Variants in DAB1 observed in about 807,000 individuals in gnomAD.
DAB1 encodes the protein disabled homolog 1.
A neutral mutation model predicts 64.6 loss-of-function variants in DAB1; 15 were observed. The observed-to-expected ratio is 0.23, with a 90% CI of 0.16 to 0.36. The LOEUF (loss-of-function observed/expected upper bound fraction) is 0.36, where lower values mean the gene tolerates loss of function less well. Ranked by LOEUF, DAB1 falls within the 10% of genes least tolerant of loss-of-function variation. The pLI is 1.00. For missense variants in DAB1, 596 were observed against 706.7 expected, an observed-to-expected ratio of 0.84 and a Z score of 1.78; for synonymous variants, 235 against 251.9, an observed-to-expected ratio of 0.93 and a Z score of 0.64.
intron 2 of DAB1, among the ~76,000 whole-genome samples, chr1:57,245,813 G>A (rs911864325): frequency 2.0e-5 from 3 of 152,062 alleles, no homozygotes; most frequent in Admixed American, 6.5e-5. Context: ...GGGATCGCTG[G>A]GTCAAATATT....
In DAB1 at chr1:57,834,413, A is replaced by C. The variant is rs1019204446; in HGVS notation, n.88-7958T>G. ...CACAGTAGATACTCAATGAGTAATT[A>C]TTGTGGAATAGATACATATTTCCTT... is the stretch of plus-strand genomic sequence containing the variant. On this transcript the variant is annotated intron_variant and non_coding_transcript_variant, in intron 1 of 1. Coordinates refer to the DAB1 transcript ENST00000477280. Among the ~76,000 whole-genome samples the C allele has an allele frequency of 1.3e-5, 2 of 152,202 alleles. 1 individual carries two copies. Among genetic ancestry groups the C allele is most frequent in the Non-Finnish European group, 2.9e-5 (2 of 68,028 alleles).
chr1:58,339,971 T>C (rs1663211545), intron 4 of DAB1, among the ~76,000 whole-genome samples: 2 of 152,196 alleles, frequency 1.3e-5, no homozygotes, highest in Admixed American at 1.3e-4. Context: ...CAGGGAAGAA[T>C]AGGATTTGCT....
chr1:57,887,803 A>T (rs1644247983), upstream of DAB1, among the ~76,000 whole-genome samples: 1 of 152,238 alleles, frequency 6.6e-6, no homozygotes, highest in Non-Finnish European at 1.5e-5. Flanking sequence ...CTTCCATTAC[A>T]TTATGAGCAT....
intron 6 of DAB1, among the ~76,000 whole-genome samples, chr1:57,660,325 A>T (rs927091704): frequency 6.6e-6 from 1 of 152,198 alleles, no homozygotes; most frequent in Non-Finnish European, 1.5e-5. Context: ...CAGCAAAAGT[A>T]GGTTTTCTAC....
chr1:57,033,627 A>C, intron 9 of DAB1: 1 of 1,512,992 alleles, frequency 6.6e-7, no homozygotes, highest in Non-Finnish European at 9.1e-7. Flanking sequence ...CACAAATGAC[A>C]TGGATTTATG....
chr1:57,592,608 G>T (rs563887831), intron 7 of DAB1, among the ~76,000 whole-genome samples: 1 of 151,922 alleles, frequency 6.6e-6, no homozygotes, highest in South Asian at 2.1e-4. Context: ...AAAATACACA[G>T]AACATAAAAT....
chr1:57,158,615 A>G (rs1334257914), intron 2 of DAB1, among the ~76,000 whole-genome samples: 1 of 152,142 alleles, frequency 6.6e-6, no homozygotes, highest in Non-Finnish European at 1.5e-5. Flanking sequence ...CAGATAACTT[A>G]TTTTACTCTA....
At chr1:58,093,342 A>G (rs1473797433) in intron 5 of DAB1, among the ~76,000 whole-genome samples, 1 of 152,114 alleles carries the variant, frequency 6.6e-6, no homozygotes, top group Non-Finnish European at 1.5e-5. Context: ...CCCTAATTCC[A>G]AGGCCATGGA....
intron 9 of DAB1, among the ~76,000 whole-genome samples, chr1:57,034,476 A>AG (rs2100442055): frequency 6.6e-6 from 1 of 152,280 alleles, no homozygotes; most frequent in Admixed American, 6.5e-5. Flanking sequence ...CAGCTGGTAG[A>AG]GGGTCTCCCC....
chr1:57,124,415 G>A (rs530388891), intron 4 of DAB1, among the ~76,000 whole-genome samples: 8 of 152,238 alleles, frequency 5.3e-5, no homozygotes, highest in Admixed American at 2.6e-4. Context: ...AGACACTCTC[G>A]TTGGAGCCAT....
At chr1:57,552,049 A>AT (rs1196693087) in intron 7 of DAB1, among the ~76,000 whole-genome samples, 1 of 152,176 alleles carries the variant, frequency 6.6e-6, no homozygotes, top group African/African-American at 2.4e-5. Flanking sequence ...TCTCCTAGGC[A>AT]TCCCCCGTTT....
chr1:58,524,727 A>C (rs1316259582), intron 2 of DAB1, among the ~76,000 whole-genome samples: 1 of 152,200 alleles, frequency 6.6e-6, no homozygotes, highest in African/African-American at 2.4e-5. Flanking sequence ...TTCTTGTAAT[A>C]TCATGAGTTT....
intron 7 of DAB1, among the ~76,000 whole-genome samples, chr1:57,527,323 CT>C (rs1473024261): frequency 6.6e-6 from 1 of 152,116 alleles, no homozygotes; most frequent in Non-Finnish European, 1.5e-5. Flanking sequence ...ATTTTTTCAA[CT>C]TTTTTCTTAA....
At chr1:57,136,753 C>T (rs558052429) in intron 3 of DAB1, 112 bp from the exon 4 acceptor site, 22 of 520,820 alleles carry the variant, frequency 4.2e-5, no homozygotes, top group Admixed American at 2.9e-4. Flanking sequence ...ATGCACACTG[C>T]TTTCCCTTCG....
intron 7 of DAB1, among the ~76,000 whole-genome samples, chr1:57,459,457 G>A (rs1001583058): frequency 6.6e-6 from 1 of 152,266 alleles, no homozygotes; most frequent in East Asian, 1.9e-4. Flanking sequence ...AAAATTGTAA[G>A]TATTGTGTAT....
intron 10 of DAB1, among the ~76,000 whole-genome samples, chr1:57,025,439 G>T (rs1418300446): frequency 6.6e-6 from 1 of 152,150 alleles, no homozygotes; most frequent in Non-Finnish European, 1.5e-5. Context: ...TGAAGGGCAG[G>T]CTGGAAGGGA....
At chr1:57,196,276 T>G (rs1664613310) in intron 2 of DAB1, among the ~76,000 whole-genome samples, 1 of 152,214 alleles carries the variant, frequency 6.6e-6, no homozygotes, top group African/African-American at 2.4e-5. Context: ...TACTCTCTGT[T>G]GAAGGTGGAG....
In DAB1 at chr1:56,997,143, T is replaced by A. The variant is rs988390672; in HGVS notation, c.*1001A>T. 4 of 152,352 alleles carry A rather than the reference T, an allele frequency of 2.6e-5. No individual in the cohort carries two copies. Among genetic ancestry groups the A allele is most frequent in the Admixed American group, 2.6e-4 (4 of 15,296 alleles). 9.4% of individuals were successfully genotyped at this position (152,352 alleles called of 1,614,324 possible). ...TTACCAGAATTGTACCAGAATTATT[T>A]GGCAAATGACTTTTCTTTGAAAATG... On this transcript the variant is annotated 3_prime_UTR_variant, in exon 15 of 15. Coordinates refer to ENST00000371236, the MANE Select transcript of DAB1 (RefSeq NM_001365792.1).
intron 9 of DAB1, among the ~76,000 whole-genome samples, chr1:57,043,849 GAA>G (rs11366894): frequency 6.4e-5 from 9 of 140,602 alleles, no homozygotes; most frequent in African/African-American, 1.8e-4. Flanking sequence ...TCCTACTCAA[GAA>G]AAAAAAAAAA....
Sources: allele counts gnomAD v4.1 joint callset (sites outside exome capture counted in the v4.1 genomes callset), GRCh38; gene constraint gnomAD v4.1.1; transcripts MANE v1.5; gene names NCBI Gene and HGNC (gene_info 2026-07-23, HGNC 2026-07-21).